CREB1: variants seen among roughly 807,000 people sequenced by gnomAD.
CREB1 encodes the protein cAMP responsive element binding protein 1, also known as cyclic AMP-responsive element-binding protein 1.
In CREB1, 2 loss-of-function variants were observed where a neutral mutation model predicts 42.0. The ratio of observed to expected loss-of-function variants is 0.05; its 90% CI spans 0.02 to 0.15. The LOEUF (loss-of-function observed/expected upper bound fraction) is 0.15. CREB1 is among the 10% of genes least tolerant of loss of function. The pLI is 1.00. For missense variants in CREB1, 199 were observed against 388.9 expected (o/e 0.51, Z 4.11); for synonymous variants, 123 against 139.9 (o/e 0.88, Z 0.85).
rs1253713473 is a variant in CREB1, at chr2:207,601,787, A to G, written c.*4729A>G. 4.6e-6 allele frequency: 1 copy of G among 218,732 alleles called. No homozygotes were observed. Among genetic ancestry groups the G allele is most frequent in the Non-Finnish European group, 9.2e-6 (1 of 108,936 alleles). 13.5% of individuals were successfully genotyped at this position (218,732 alleles called of 1,614,324 possible). A position where few individuals can be genotyped will look rare whatever the true frequency, so the allele number is the denominator to read the frequency against. On this transcript the variant is annotated 3_prime_UTR_variant, in exon 8 of 8. Transcript: ENST00000353267. ...AGGAAGGAGAAAGTAAAGTGTGCATAGTAAGGCTGTAGGTGAAGAGTTGTG... is the reference window on the plus strand; with the variant it reads ...AGGAAGGAGAAAGTAAAGTGTGCATGGTAAGGCTGTAGGTGAAGAGTTGTG...
chr2:207,553,168 A>C (rs1393008856), intron 1 of CREB1, among the ~76,000 whole-genome samples: 1 of 146,330 alleles, frequency 6.8e-6, no homozygotes, highest in East Asian at 2.0e-4. Flanking sequence ...TCCTGGGTTC[A>C]AGCAATTCTC....
At chr2:207,547,674 A>G (rs537381099) in intron 1 of CREB1, among the ~76,000 whole-genome samples, 1 of 152,152 alleles carries the variant, frequency 6.6e-6, no homozygotes, top group East Asian at 1.9e-4. Context: ...AAAATATTGC[A>G]TAGTCGTGGC....
At chr2:207,590,242 C>G (rs982985350) in intron 7 of CREB1, among the ~76,000 whole-genome samples, 1 of 151,680 alleles carries the variant, frequency 6.6e-6, no homozygotes, top group Non-Finnish European at 1.5e-5. Context: ...GTTTATTATT[C>G]TTTTACTGTA....
chr2:207,556,012 T>C (rs1215390676), intron 2 of CREB1, among the ~76,000 whole-genome samples: 1 of 152,156 alleles, frequency 6.6e-6, no homozygotes, highest in Non-Finnish European at 1.5e-5. Flanking sequence ...TATGGGTAAA[T>C]GGTGCTCTCA....
intron 3 of CREB1, among the ~76,000 whole-genome samples, chr2:207,564,488 G>A (rs1272099471): frequency 6.6e-6 from 1 of 151,160 alleles, no homozygotes; most frequent in Non-Finnish European, 1.5e-5. Context: ...CAGCCTCGGT[G>A]AGTGAGTGAG....
chr2:207,546,716 G>A (rs557026239), intron 1 of CREB1, among the ~76,000 whole-genome samples: 1 of 147,430 alleles, frequency 6.8e-6, no homozygotes, highest in Admixed American at 6.9e-5. Flanking sequence ...GGGGGACAGT[G>A]AGACCCTATA....
At chr2:207,578,934 G>C (rs1342628674) in intron 7 of CREB1, among the ~76,000 whole-genome samples, 1 of 151,998 alleles carries the variant, frequency 6.6e-6, no homozygotes, top group Non-Finnish European at 1.5e-5. Flanking sequence ...GGGATTACAG[G>C]TGCCCACCAC....
chr2:207,531,964 G>A (rs1391876215), intron 1 of CREB1, among the ~76,000 whole-genome samples: 1 of 152,136 alleles, frequency 6.6e-6, no homozygotes, highest in Admixed American at 6.5e-5. Flanking sequence ...TTTTATTTCC[G>A]AGCACTGAAA....
chr2:207,542,981 G>T (rs2081154423), intron 1 of CREB1, among the ~76,000 whole-genome samples: 1 of 152,150 alleles, frequency 6.6e-6, no homozygotes, highest in Admixed American at 6.6e-5. Flanking sequence ...TTGTCCCTTG[G>T]TATCGATGGG....
intron 1 of CREB1, 85 bp from the exon 2 acceptor site, chr2:207,555,543 C>G: frequency 1.4e-6 from 1 of 721,872 alleles, no homozygotes; most frequent in African/African-American, 1.8e-5. Context: ...CACATATATA[C>G]CTATTTATAA....
chr2:207,582,138 G>C (rs1379157119), intron 7 of CREB1: 1 of 702,868 alleles, frequency 1.4e-6, no homozygotes. Context: ...ATATTCAAGG[G>C]GAGGAGAATT....
chr2:207,555,848 G>GC lies in CREB1; in HGVS notation c.114+100dup, dbSNP rs1286978166. 8.8e-6 allele frequency: 6 copies of GC among 680,688 alleles called. No individual in the cohort carries two copies. In the African/African-American group the frequency reaches 9.0e-5, roughly 10 times the overall value. The allele number at this position is 680,688 out of a possible 1,614,324, so 42.2% of individuals were successfully genotyped here. A position where few individuals can be genotyped will look rare whatever the true frequency, so the allele number is the denominator to read the frequency against. Reference sequence around the variant, plus strand: ...TATTACATAGATATACATAGAATGAGCAGAGATACTCTTACAATATCAAAA... The same window carrying GC: ...TATTACATAGATATACATAGAATGAGCCAGAGATACTCTTACAATATCAAAA... On this transcript the variant is annotated intron_variant, in intron 2 of 7. Transcript: ENST00000353267.
At chr2:207,590,083 G>GTTTTTTTTTTTTTTTTTTTT (rs59126515) in intron 7 of CREB1, among the ~76,000 whole-genome samples, 1 of 76,154 alleles carries the variant, frequency 1.3e-5, no homozygotes. Context: ...ATTTTGAGAA[G>GTTTTTTTTTTTTTTTTTTTT]TTTTTTTTTT....
intron 7 of CREB1, among the ~76,000 whole-genome samples, chr2:207,587,166 G>C (rs2084004095): frequency 6.6e-6 from 1 of 152,110 alleles, no homozygotes; most frequent in Admixed American, 6.5e-5. Context: ...GGCCAAGGCG[G>C]GTGGATCACA....
intron 1 of CREB1, among the ~76,000 whole-genome samples, chr2:207,549,359 C>T (rs1243595084): frequency 5.3e-5 from 8 of 151,934 alleles, no homozygotes; most frequent in South Asian, 2.1e-4. Context: ...TAGATAACAG[C>T]TCAGTTCTGC....
chr2:207,590,362 T>C (rs776010097), intron 7 of CREB1, among the ~76,000 whole-genome samples: 1 of 151,918 alleles, frequency 6.6e-6, no homozygotes, highest in Admixed American at 6.6e-5. Flanking sequence ...CCTTTTTTTT[T>C]AAGTCTGGCT....
chr2:207,593,090 C>A (rs539283632), intron 7 of CREB1, among the ~76,000 whole-genome samples: 1 of 152,202 alleles, frequency 6.6e-6, no homozygotes, highest in Non-Finnish European at 1.5e-5. Context: ...GTTTTACTTA[C>A]CAGAACATCA....
At chr2:207,559,443 A>G (rs1267800426) in intron 2 of CREB1, among the ~76,000 whole-genome samples, 2 of 152,100 alleles carry the variant, frequency 1.3e-5, no homozygotes, top group African/African-American at 2.4e-5. Context: ...CATACCCCCA[A>G]TAATTTATTT....
chr2:207,556,807 G>A (rs555227806), intron 2 of CREB1, among the ~76,000 whole-genome samples: 1 of 152,236 alleles, frequency 6.6e-6, no homozygotes, highest in Admixed American at 6.5e-5. Context: ...TAAGAATCTG[G>A]GCTCATCTGT....
Sources: allele counts gnomAD v4.1 joint callset (sites outside exome capture counted in the v4.1 genomes callset), GRCh38; gene constraint gnomAD v4.1.1; transcripts MANE v1.5; gene names NCBI Gene and HGNC (gene_info 2026-07-23, HGNC 2026-07-21).